The following SHISAL2B variants were observed in gnomAD, a reference collection of about 807,000 sequenced individuals.
The protein encoded by SHISAL2B is protein shisa-like-2B.
SHISAL2B carries 12 observed loss-of-function variants against 16.5 expected under a neutral mutation model. That is an observed-to-expected ratio of 0.73 (90% CI 0.47 to 1.18). The LOEUF is 1.18. Among genes scored for constraint, SHISAL2B ranks in the 50% most tolerant of loss-of-function variants. The pLI, the probability that SHISAL2B is intolerant of heterozygous loss-of-function variation, is 0.00. For missense variants in SHISAL2B, 183 were observed against 193.6 expected (o/e 0.95, Z 0.33); for synonymous variants, 72 against 75.0 (o/e 0.96, Z 0.21).
chr5:64,714,878 A>G (rs1335377275), intron 2 of SHISAL2B, among the ~76,000 whole-genome samples: 1 of 152,200 alleles, frequency 6.6e-6, no homozygotes, highest in Non-Finnish European at 1.5e-5. Flanking sequence ...CAGGTGAGGC[A>G]ATGCCTCGCC....
At chr5:64,707,317 G>A (rs145198611) in intron 2 of SHISAL2B, among the ~76,000 whole-genome samples, 26 of 152,226 alleles carry the variant, frequency 1.7e-4, no homozygotes, top group African/African-American at 5.5e-4. Context: ...TATGAGTTGT[G>A]TAATTTCCTC....
intron 2 of SHISAL2B, among the ~76,000 whole-genome samples, chr5:64,709,127 A>T (rs2610252): frequency 1.4e-5 from 2 of 143,370 alleles, no homozygotes; most frequent in African/African-American, 5.4e-5. Flanking sequence ...ATGCTGGTGC[A>T]CTGCACCCAC....
intron 2 of SHISAL2B, 67 bp downstream of exon 2, chr5:64,695,731 G>C: frequency 8.5e-7 from 1 of 1,173,748 alleles, no homozygotes. Flanking sequence ...TTGTACCTGG[G>C]TGATAATACT....
Position 64,695,537 on chromosome 5 carries a change from T to C in SHISAL2B, c.222T>C (p.Ala74=). The C allele has an allele frequency of 4.6e-6, 7 of 1,536,306 alleles. No homozygotes were observed. The highest frequency in any genetic ancestry group is 6.1e-6 in the Non-Finnish European group (7 of 1,146,572). Residue 74 remains alanine, a synonymous_variant, in exon 2 of 3, where the codon GCT becomes GCC. Transcript: ENST00000389074. ...SIGALIGLGI[A]ALVLLAFVIS... Reference sequence around the variant, plus strand: ...GTGCCTTGATTGGACTAGGAATTGCTGCCCTTGTTTTACTCGCCTTTGTCA... The same window carrying C: ...GTGCCTTGATTGGACTAGGAATTGCCGCCCTTGTTTTACTCGCCTTTGTCA...
chr5:64,695,740 C>A, intron 2 of SHISAL2B, 76 bp downstream of exon 2: 1 of 1,103,704 alleles, frequency 9.1e-7, no homozygotes, highest in Non-Finnish European at 1.2e-6. Context: ...GGTGATAATA[C>A]TGTTAACAAT....
At chr5:64,703,868 A>C (rs780776703) in intron 2 of SHISAL2B, among the ~76,000 whole-genome samples, 1 of 152,100 alleles carries the variant, frequency 6.6e-6, no homozygotes, top group Non-Finnish European at 1.5e-5. Context: ...ACTTGAGGGG[A>C]AGGCAGGGCA....
chr5:64,697,589 T>C (rs998913552), intron 2 of SHISAL2B, among the ~76,000 whole-genome samples: 1 of 152,092 alleles, frequency 6.6e-6, no homozygotes, highest in African/African-American at 2.4e-5. Context: ...ATAAATTTTA[T>C]TGTGAGATAC....
At chr5:64,717,296 A>C (rs1742070296) in intron 2 of SHISAL2B, among the ~76,000 whole-genome samples, 1 of 150,176 alleles carries the variant, frequency 6.7e-6, no homozygotes, top group African/African-American at 2.5e-5. Flanking sequence ...ATGATACATT[A>C]ATTATTTCTA....
At chr5:64,691,859 A>G (rs1283761446) in intron 1 of SHISAL2B, among the ~76,000 whole-genome samples, 1 of 152,194 alleles carries the variant, frequency 6.6e-6, no homozygotes, top group Non-Finnish European at 1.5e-5. Flanking sequence ...GGAGTCTGCT[A>G]GTAAGAGGTA....
chr5:64,699,739 G>C (rs1408662620), intron 2 of SHISAL2B, among the ~76,000 whole-genome samples: 2 of 152,166 alleles, frequency 1.3e-5, no homozygotes, highest in Non-Finnish European at 2.9e-5. Flanking sequence ...ATACTAAATT[G>C]ACTTAGGACA....
intron 2 of SHISAL2B, among the ~76,000 whole-genome samples, chr5:64,701,459 A>G (rs1321454991): frequency 1.3e-5 from 2 of 152,218 alleles, no homozygotes; most frequent in Admixed American, 1.3e-4. Flanking sequence ...ATATCTGAGT[A>G]AAATTGATGC....
chr5:64,698,586 C>T (rs778424943), intron 2 of SHISAL2B, among the ~76,000 whole-genome samples: 5 of 152,180 alleles, frequency 3.3e-5, no homozygotes, highest in Non-Finnish European at 7.3e-5. Context: ...CCCAGGAGCT[C>T]TCCCCTGGTT....
chr5:64,704,129 A>C (rs953130744), intron 2 of SHISAL2B, among the ~76,000 whole-genome samples: 2 of 152,180 alleles, frequency 1.3e-5, no homozygotes, highest in Non-Finnish European at 2.9e-5. Flanking sequence ...AGAACTTCAG[A>C]ATGGTAACAC....
At position 64,714,471 on chromosome 5, in the gene SHISAL2B, C is replaced by G. The variant is rs534070753; in HGVS notation, c.350-3418C>G. Reference sequence around the variant, plus strand: ...TGTCAGACAGGGACATTTAAGTCTGCAGAGGTTACTACTGTCTTTTTGTTT... The same window carrying G: ...TGTCAGACAGGGACATTTAAGTCTGGAGAGGTTACTACTGTCTTTTTGTTT... On this transcript the variant is annotated intron_variant, in intron 2 of 2. Transcript: ENST00000389074. Among the ~76,000 whole-genome samples, 1,353 of 150,458 alleles carry G rather than the reference C, an allele frequency of 9.0e-3. 9 individuals carry two copies. Among genetic ancestry groups the G allele is most frequent in the South Asian group, 0.018 (87 of 4,780 alleles).
chr5:64,705,170 A>C (rs1450756069), intron 2 of SHISAL2B, among the ~76,000 whole-genome samples: 1 of 152,220 alleles, frequency 6.6e-6, no homozygotes, highest in African/African-American at 2.4e-5. Context: ...TAAATTAATA[A>C]AAATCTATAC....
intron 2 of SHISAL2B, among the ~76,000 whole-genome samples, chr5:64,703,775 G>C (rs975790904): frequency 1.3e-5 from 2 of 152,148 alleles, no homozygotes; most frequent in African/African-American, 4.8e-5. Context: ...TCATTAATGA[G>C]TGACTACAGC....
At chr5:64,716,670 G>A (rs1048316146) in intron 2 of SHISAL2B, among the ~76,000 whole-genome samples, 2 of 152,126 alleles carry the variant, frequency 1.3e-5, no homozygotes, top group African/African-American at 4.8e-5. Flanking sequence ...TGGAAGAAGA[G>A]CATAGTAGAC....
chr5:64,695,196 CGGAG>C (rs1741715411), intron 1 of SHISAL2B, among the ~76,000 whole-genome samples: 1 of 149,112 alleles, frequency 6.7e-6, no homozygotes, highest in South Asian at 2.1e-4. Context: ...GCTCTGGAGG[CGGAG>C]GTTGCAGTGA....
At chr5:64,702,025 C>A (rs1289691414) in intron 2 of SHISAL2B, among the ~76,000 whole-genome samples, 6 of 152,070 alleles carry the variant, frequency 3.9e-5, no homozygotes, top group Non-Finnish European at 8.8e-5. Flanking sequence ...GTAGAAGTTT[C>A]TTTTTTTGTG....
Sources: allele counts gnomAD v4.1 joint callset (sites outside exome capture counted in the v4.1 genomes callset), GRCh38; gene constraint gnomAD v4.1.1; transcripts MANE v1.5; gene names NCBI Gene and HGNC (gene_info 2026-07-23, HGNC 2026-07-21).